Variants in EML5 observed in about 807,000 individuals in gnomAD.
EML5 encodes the protein EMAP like 5, also known as echinoderm microtubule-associated protein-like 5.
EML5 carries 120 observed loss-of-function variants against 250.0 expected under a neutral mutation model. That is an observed-to-expected ratio of 0.48 (90% CI 0.41 to 0.56). The LOEUF (loss-of-function observed/expected upper bound fraction) is 0.56. Ranked by LOEUF, EML5 falls within the 20% of genes least tolerant of loss-of-function variation. The pLI is 0.00. For synonymous variants in EML5, 771 were observed against 806.5 expected, an observed-to-expected ratio of 0.96 and a Z score of 0.75; for missense variants, 2,006 against 2,437.6, an observed-to-expected ratio of 0.82 and a Z score of 3.73.
chr14:88,739,566 A>G (rs1036947136), intron 5 of EML5, among the ~76,000 whole-genome samples: 2 of 152,224 alleles, frequency 1.3e-5, no homozygotes, highest in African/African-American at 4.8e-5. Flanking sequence ...AACTAAATAT[A>G]AAACAAGAAT....
At chr14:88,750,691 A>G (rs2094080159) in intron 2 of EML5, among the ~76,000 whole-genome samples, 1 of 152,210 alleles carries the variant, frequency 6.6e-6, no homozygotes, top group Non-Finnish European at 1.5e-5. Context: ...GGTAGAATGA[A>G]TAATTTATAT....
intron 10 of EML5, among the ~76,000 whole-genome samples, chr14:88,706,870 A>C (rs1217369028): frequency 1.3e-5 from 2 of 152,232 alleles, no homozygotes; most frequent in African/African-American, 4.8e-5. Flanking sequence ...AGGATTACAC[A>C]ACATAATCAA....
At chr14:88,694,275 T>C (rs1285438832) in intron 17 of EML5, 32 bp downstream of exon 17, 3 of 1,439,596 alleles carry the variant, frequency 2.1e-6, no homozygotes, top group Middle Eastern at 1.7e-4. Context: ...TTTCTTAAAA[T>C]TCTATGGAGT....
intron 1 of EML5, among the ~76,000 whole-genome samples, chr14:88,777,140 T>TA (rs2094454721): frequency 6.6e-6 from 1 of 152,058 alleles, no homozygotes; most frequent in Non-Finnish European, 1.5e-5. Flanking sequence ...TCAAGGCATT[T>TA]AATAGTCGAA....
At chr14:88,767,873 A>G (rs1208026719) in intron 1 of EML5, among the ~76,000 whole-genome samples, 1 of 77,922 alleles carries the variant, frequency 1.3e-5, no homozygotes, top group Non-Finnish European at 2.1e-5. Context: ...CTAAACTAAA[A>G]ACCTTATTCA....
chr14:88,643,922 G>T (rs1205700055), intron 30 of EML5, among the ~76,000 whole-genome samples: 1 of 152,132 alleles, frequency 6.6e-6, no homozygotes, highest in Non-Finnish European at 1.5e-5. Context: ...TTGGTTGTTC[G>T]CTACTGCTAC....
At chr14:88,640,483 T>A (rs1470606334) in intron 31 of EML5, among the ~76,000 whole-genome samples, 7 of 151,732 alleles carry the variant, frequency 4.6e-5, no homozygotes, top group African/African-American at 1.5e-4. Context: ...GGCAAAAATT[T>A]AAAAAAAATC....
At chr14:88,616,268 A>C in intron 42 of EML5, 26 bp from the exon 43 acceptor site, 161 of 1,602,554 alleles carry the variant, frequency 1.0e-4, no homozygotes, top group Middle Eastern at 1.7e-4. Flanking sequence ...AGACAAGCTC[A>C]GGGCATTTGG....
At chr14:88,740,127 T>C (rs1043043909) in intron 5 of EML5, among the ~76,000 whole-genome samples, 1 of 152,218 alleles carries the variant, frequency 6.6e-6, no homozygotes, top group East Asian at 1.9e-4. Flanking sequence ...ACAAGCTTTT[T>C]TTCAACACTA....
At chr14:88,660,463 C>T (rs918237412) in intron 25 of EML5, among the ~76,000 whole-genome samples, 3 of 151,992 alleles carry the variant, frequency 2.0e-5, no homozygotes, top group African/African-American at 4.8e-5. Flanking sequence ...AATCTGTTGG[C>T]GAGGCCCAGT....
At chr14:88,761,978 A>G (rs1446745931) in intron 1 of EML5, among the ~76,000 whole-genome samples, 1 of 152,164 alleles carries the variant, frequency 6.6e-6, no homozygotes, top group Non-Finnish European at 1.5e-5. Context: ...TGTTGTCTGC[A>G]TAAATGTCTT....
rs556493856 is a variant in EML5 at position 88,665,695 on chromosome 14, C to T, written c.3125-206G>A. On this transcript the variant is annotated intron_variant, in intron 21 of 43. Coordinates refer to ENST00000554922, the MANE Select transcript of EML5 (RefSeq NM_183387.3). ...GCAGAGTAGGGGAAGGGGCAAGGGG[C>T]AAAGGAGAAGGGGCGAGGGGGAAGA... is the stretch of plus-strand genomic sequence containing the variant. 1.3e-3 allele frequency among the ~76,000 whole-genome samples: 199 copies of T among 151,302 alleles called. 1 individual carries two copies. Among genetic ancestry groups the T allele is most frequent in the African/African-American group, 4.7e-3 (193 of 41,212 alleles).
At chr14:88,708,579 G>T (rs1660832439) in intron 10 of EML5, among the ~76,000 whole-genome samples, 1 of 152,222 alleles carries the variant, frequency 6.6e-6, no homozygotes, top group South Asian at 2.1e-4. Flanking sequence ...ATGTAGGAAA[G>T]AGTAGTAAAG....
At chr14:88,637,892 T>C (rs1475445067) in intron 32 of EML5, among the ~76,000 whole-genome samples, 1 of 152,218 alleles carries the variant, frequency 6.6e-6, no homozygotes, top group Non-Finnish European at 1.5e-5. Flanking sequence ...ATGTTCCATT[T>C]ACTTTTAAAA....
intron 2 of EML5, 43 bp downstream of exon 2, chr14:88,754,469 C>A (rs764611145): frequency 1.3e-6 from 2 of 1,509,598 alleles, no homozygotes; most frequent in Non-Finnish European, 1.8e-6. Context: ...CTATAATATA[C>A]CTTAACATAC....
intron 10 of EML5, among the ~76,000 whole-genome samples, chr14:88,710,307 T>C (rs1229733783): frequency 6.6e-6 from 1 of 152,226 alleles, no homozygotes; most frequent in Non-Finnish European, 1.5e-5. Context: ...ACTTCGTATA[T>C]TTTTTGTTTC....
At chr14:88,729,478 AAC>A (rs2093718768) in intron 7 of EML5, among the ~76,000 whole-genome samples, 1 of 152,224 alleles carries the variant, frequency 6.6e-6, no homozygotes, top group Non-Finnish European at 1.5e-5. Flanking sequence ...AAAATTTTGA[AAC>A]ACAAGAAAAT....
At chr14:88,644,980 G>A (rs1216705899) in intron 29 of EML5, among the ~76,000 whole-genome samples, 3 of 151,898 alleles carry the variant, frequency 2.0e-5, no homozygotes, top group African/African-American at 7.3e-5. Context: ...CCAGAGTGCT[G>A]GGATTACGGG....
chr14:88,729,567 T>G (rs552008202), intron 7 of EML5, among the ~76,000 whole-genome samples: 18 of 151,364 alleles, frequency 1.2e-4, no homozygotes, highest in South Asian at 8.4e-4. Flanking sequence ...GGTTTTTTGT[T>G]TTTTGTTTTT....
Sources: allele counts gnomAD v4.1 joint callset (sites outside exome capture counted in the v4.1 genomes callset), GRCh38; gene constraint gnomAD v4.1.1; transcripts MANE v1.5; gene names NCBI Gene and HGNC (gene_info 2026-07-23, HGNC 2026-07-21).